TRPC5: variants seen among roughly 807,000 people sequenced by gnomAD.
TRPC5 encodes the protein transient receptor potential cation channel subfamily C member 5.
TRPC5 carries 9 observed loss-of-function variants against 56.5 expected under a neutral mutation model. The ratio of observed to expected loss-of-function variants is 0.16; its 90% CI spans 0.10 to 0.28. The LOEUF (loss-of-function observed/expected upper bound fraction) is 0.28. Ranked by LOEUF, TRPC5 falls within the 10% of genes least tolerant of loss-of-function variation. The pLI is 1.00. For synonymous variants in TRPC5, 282 were observed against 278.5 expected (o/e 1.01, Z -0.13); for missense variants, 469 against 748.9 (o/e 0.63, Z 4.36).
intron 1 of TRPC5, among the ~76,000 whole-genome samples, chrX:112,039,876 A>T (rs775389747): frequency 1.8e-5 from 2 of 112,212 alleles, no homozygotes; most frequent in African/African-American, 3.2e-5. Context: ...CACCCAAACC[A>T]TTTTTTTATG....
chrX:111,952,684 C>T (rs985309696), intron 1 of TRPC5, among the ~76,000 whole-genome samples: 3 of 111,007 alleles, frequency 2.7e-5, no homozygotes, highest in Non-Finnish European at 5.7e-5. Context: ...GTTACTCAAG[C>T]CCTCTGTGCT....
chrX:111,788,903 T>G, intron 7 of TRPC5, among the ~76,000 whole-genome samples: 1 of 111,421 alleles, frequency 9.0e-6, no homozygotes, highest in Middle Eastern at 4.6e-3. Context: ...CATTGCTCAA[T>G]GAAATAAAAT....
At chrX:112,041,039 T>TGA (rs756390757) in intron 1 of TRPC5, among the ~76,000 whole-genome samples, 2 of 111,613 alleles carry the variant, frequency 1.8e-5, no homozygotes, top group Non-Finnish European at 3.8e-5. Context: ...ACCTGAGAGG[T>TGA]GAGAGTACGC....
At chrX:112,051,330 C>T (rs778744594) in intron 1 of TRPC5, among the ~76,000 whole-genome samples, 32 of 112,102 alleles carry the variant, frequency 2.9e-4, no homozygotes, top group Non-Finnish European at 1.1e-4. Context: ...TACCACAGCC[C>T]TTGGTCCATT....
At chrX:111,966,266 A>G (rs912269847) in intron 1 of TRPC5, among the ~76,000 whole-genome samples, 10 of 112,042 alleles carry the variant, frequency 8.9e-5, no homozygotes, top group Non-Finnish European at 1.7e-4. Context: ...ACACCCTCCC[A>G]AGACTAAACC....
chrX:111,909,248 T>A (rs1290506607), intron 3 of TRPC5, among the ~76,000 whole-genome samples: 1 of 108,179 alleles, frequency 9.2e-6, no homozygotes, highest in Non-Finnish European at 1.9e-5. Context: ...GAGAATCGAT[T>A]GAACCCAGGA....
chrX:111,842,614 A>G (rs1370490200), intron 6 of TRPC5, among the ~76,000 whole-genome samples: 1 of 112,336 alleles, frequency 8.9e-6, no homozygotes, highest in Non-Finnish European at 1.9e-5. Flanking sequence ...TGCTTCTTAG[A>G]TCTTCAGATG....
chrX:111,999,818 T>C (rs1377949108), intron 1 of TRPC5, among the ~76,000 whole-genome samples: 1 of 110,669 alleles, frequency 9.0e-6, no homozygotes, highest in African/African-American at 3.3e-5. Flanking sequence ...ATACAAAAAT[T>C]AGCTGGGCAT....
chrX:111,943,590 G>A (rs1369006251), intron 2 of TRPC5, among the ~76,000 whole-genome samples: 3 of 112,504 alleles, frequency 2.7e-5, no homozygotes, highest in Admixed American at 9.4e-5. Flanking sequence ...CCAGAGGGGC[G>A]GGCCATGGGG....
At chrX:111,834,366 G>C (rs1922503071) in intron 7 of TRPC5, among the ~76,000 whole-genome samples, 1 of 111,697 alleles carries the variant, frequency 9.0e-6, no homozygotes, top group Non-Finnish European at 1.9e-5. Flanking sequence ...TGAGGTGGGA[G>C]GATCACTTGA....
chrX:112,035,924 C>T (rs188994244), intron 1 of TRPC5, among the ~76,000 whole-genome samples: 2 of 108,930 alleles, frequency 1.8e-5, no homozygotes, highest in East Asian at 2.9e-4. Flanking sequence ...CTATCGCGCC[C>T]GGCCTATATT....
intron 2 of TRPC5, among the ~76,000 whole-genome samples, chrX:111,925,788 G>A (rs1263979858): frequency 9.0e-6 from 1 of 111,702 alleles, no homozygotes; most frequent in East Asian, 2.8e-4. Context: ...GAATTCCCAG[G>A]GAGGTTAGAG....
chrX:112,048,399 CAAAAAAAAAAAA>C lies in TRPC5; in HGVS notation c.-22+33468_-22+33479del, dbSNP rs58537492. 2.3e-4 allele frequency among the ~76,000 whole-genome samples: 5 copies of C among 21,483 alleles called. No individual in the cohort carries two copies. The East Asian group carries it at 6.4e-3, about 28-fold the overall frequency. 18.7% of individuals were successfully genotyped at this position (21,483 alleles called of 115,157 possible). A position where few individuals can be genotyped will look rare whatever the true frequency, so the allele number is the denominator to read the frequency against. ...CTGGCGACAGAGCAAGACTCCGTAT[CAAAAAAAAAAAA>C]AAAAAAAAAAAAAGGAGGGGAGAGT... On this transcript the variant is annotated intron_variant, in intron 1 of 10. Transcript: ENST00000262839.
At chrX:112,051,439 C>A (rs1485398622) in intron 1 of TRPC5, among the ~76,000 whole-genome samples, 1 of 111,335 alleles carries the variant, frequency 9.0e-6, no homozygotes, top group African/African-American at 3.3e-5. Flanking sequence ...ACTGCTTTCC[C>A]CATCCACTGT....
At chrX:111,884,446 C>A (rs762506453) in intron 3 of TRPC5, among the ~76,000 whole-genome samples, 2 of 112,634 alleles carry the variant, frequency 1.8e-5, no homozygotes, top group Non-Finnish European at 3.7e-5. Context: ...TTGGTTAAGG[C>A]CTCATCAAAA....
At chrX:111,780,668 T>G (rs1330077731) in intron 9 of TRPC5, among the ~76,000 whole-genome samples, 2 of 111,106 alleles carry the variant, frequency 1.8e-5, no homozygotes, top group African/African-American at 6.6e-5. Flanking sequence ...CTATTTGCGT[T>G]TGGTTGAAAA....
intron 10 of TRPC5, among the ~76,000 whole-genome samples, chrX:111,777,379 ACT>A (rs1453324961): frequency 9.0e-6 from 1 of 110,659 alleles, no homozygotes; most frequent in African/African-American, 3.3e-5. Flanking sequence ...AGCTTTTAAG[ACT>A]CTAACGAGTG....
At chrX:111,817,090 C>T (rs1921879962) in intron 7 of TRPC5, among the ~76,000 whole-genome samples, 1 of 111,029 alleles carries the variant, frequency 9.0e-6, no homozygotes, top group East Asian at 2.9e-4. Flanking sequence ...AGAAGTGGTG[C>T]TTGCCACCAT....
At chrX:111,895,194 G>C (rs1260588004) in intron 3 of TRPC5, among the ~76,000 whole-genome samples, 1 of 111,163 alleles carries the variant, frequency 9.0e-6, no homozygotes, top group Non-Finnish European at 1.9e-5. Flanking sequence ...TTCAGTGCTT[G>C]GTATTGTCAG....
Sources: gnomAD v4.1 joint callset for allele counts (sites outside exome capture counted in the v4.1 genomes callset) on GRCh38, gnomAD v4.1.1 for gene constraint, MANE v1.5 for transcripts, NCBI Gene and HGNC (gene_info 2026-07-23, HGNC 2026-07-21) for gene names.